Variants in SYT9 observed in about 807,000 individuals in gnomAD.
SYT9 encodes synaptotagmin 9.
A neutral mutation model predicts 48.4 loss-of-function variants in SYT9; 22 were observed. That is an observed-to-expected ratio of 0.45 (90% CI 0.32 to 0.65). The LOEUF (loss-of-function observed/expected upper bound fraction) is 0.65, where lower values mean the gene tolerates loss of function less well. Ranked by LOEUF, SYT9 falls within the 30% of genes least tolerant of loss-of-function variation. The pLI is 0.03. For synonymous variants in SYT9, 265 were observed against 245.0 expected (o/e 1.08, Z -0.76); for missense variants, 577 against 622.0 (o/e 0.93, Z 0.77).
chr11:7,268,411 G>A (rs1448825377), intron 1 of SYT9, among the ~76,000 whole-genome samples: 1 of 151,912 alleles, frequency 6.6e-6, no homozygotes, highest in African/African-American at 2.4e-5. Flanking sequence ...TGTGAGGCTA[G>A]TATCACACTA....
chr11:7,319,723 G>A (rs1331101041), intron 3 of SYT9, among the ~76,000 whole-genome samples: 1 of 152,152 alleles, frequency 6.6e-6, no homozygotes. Flanking sequence ...TGTTTAATAA[G>A]CAGGGGAGAA....
intron 3 of SYT9, among the ~76,000 whole-genome samples, chr11:7,349,085 C>T (rs1020119946): frequency 2.6e-5 from 4 of 151,946 alleles, no homozygotes; most frequent in African/African-American, 7.3e-5. Context: ...AGTCATAAAA[C>T]TCAGAGGTAG....
At chr11:7,361,555 A>G (rs1317717767) in intron 3 of SYT9, among the ~76,000 whole-genome samples, 2 of 152,010 alleles carry the variant, frequency 1.3e-5, no homozygotes, top group African/African-American at 4.8e-5. Flanking sequence ...CCTTTTGTTA[A>G]TTGTGTTGTT....
At chr11:7,385,004 C>A (rs1371657785) in intron 3 of SYT9, among the ~76,000 whole-genome samples, 1 of 152,124 alleles carries the variant, frequency 6.6e-6, no homozygotes, top group Non-Finnish European at 1.5e-5. Context: ...TCTCATAATG[C>A]CTTTCCTGAC....
intron 3 of SYT9, among the ~76,000 whole-genome samples, chr11:7,345,290 T>G (rs879572358): frequency 1.3e-5 from 2 of 152,228 alleles, no homozygotes; most frequent in Non-Finnish European, 2.9e-5. Context: ...TGAAACTTTC[T>G]CCAGGTGGTG....
chr11:7,314,107 A>T (rs1392158371), intron 3 of SYT9, 166 bp downstream of exon 3: 4 of 794,304 alleles, frequency 5.0e-6, no homozygotes, highest in Admixed American at 4.3e-5. Context: ...GGTTTTAACA[A>T]TATTGATTTT....
chr11:7,291,111 C>G (rs1202736616), intron 1 of SYT9, among the ~76,000 whole-genome samples: 1 of 152,234 alleles, frequency 6.6e-6, no homozygotes, highest in African/African-American at 2.4e-5. Context: ...TATAACTTCA[C>G]TCATCTGCCA....
At chr11:7,455,723 A>C (rs1848139486) in intron 6 of SYT9, among the ~76,000 whole-genome samples, 1 of 152,340 alleles carries the variant, frequency 6.6e-6, no homozygotes, top group Admixed American at 6.5e-5. Flanking sequence ...GAGAACGTGA[A>C]GGTCCTGGGA....
intron 1 of SYT9, among the ~76,000 whole-genome samples, chr11:7,273,099 A>T (rs929089066): frequency 3.9e-5 from 6 of 152,184 alleles, no homozygotes; most frequent in African/African-American, 1.2e-4. Flanking sequence ...GGAGAGTGGT[A>T]TAAAGGAAAT....
intron 3 of SYT9, among the ~76,000 whole-genome samples, chr11:7,398,820 C>T (rs72846039): frequency 3.3e-5 from 5 of 152,068 alleles, no homozygotes; most frequent in Admixed American, 2.6e-4. Context: ...TCAAAACATA[C>T]AGCACACAAT....
At chr11:7,384,593 C>T (rs1406093434) in intron 3 of SYT9, among the ~76,000 whole-genome samples, 2 of 152,210 alleles carry the variant, frequency 1.3e-5, no homozygotes, top group Non-Finnish European at 2.9e-5. Context: ...TCACCTCTCA[C>T]CAGGTTCACT....
chr11:7,331,582 G>C (rs1000190283), intron 3 of SYT9, among the ~76,000 whole-genome samples: 2 of 152,068 alleles, frequency 1.3e-5, no homozygotes, highest in African/African-American at 4.8e-5. Context: ...AAATTAGCCA[G>C]ACATGGTGGC....
intron 6 of SYT9, among the ~76,000 whole-genome samples, chr11:7,432,227 G>A (rs1847588983): frequency 6.6e-6 from 1 of 152,196 alleles, no homozygotes; most frequent in African/African-American, 2.4e-5. Context: ...ATGGGACATA[G>A]AGTCAAGGAT....
At chr11:7,461,536 C>T (rs57897868) in intron 6 of SYT9, among the ~76,000 whole-genome samples, 4 of 151,976 alleles carry the variant, frequency 2.6e-5, no homozygotes, top group Non-Finnish European at 1.5e-5. Context: ...CTACACCCAG[C>T]TAATTTTTGT....
At chr11:7,310,728 G>A (rs1347702261) in intron 2 of SYT9, among the ~76,000 whole-genome samples, 1 of 152,160 alleles carries the variant, frequency 6.6e-6, no homozygotes, top group Non-Finnish European at 1.5e-5. Context: ...TTACAGGCAT[G>A]AGCCACTGCA....
intron 3 of SYT9, among the ~76,000 whole-genome samples, chr11:7,400,313 A>T (rs1564890349): frequency 6.6e-6 from 1 of 152,340 alleles, no homozygotes; most frequent in East Asian, 1.9e-4. Flanking sequence ...GAAAAAAGTG[A>T]TCACTTTGAA....
At chr11:7,314,688 G>A (rs1487749588) in intron 3 of SYT9, among the ~76,000 whole-genome samples, 1 of 152,152 alleles carries the variant, frequency 6.6e-6, no homozygotes, top group Non-Finnish European at 1.5e-5. Flanking sequence ...TGGCATTCCA[G>A]AAATAGAAAG....
At chr11:7,369,713 T>C (rs912926143) in intron 3 of SYT9, among the ~76,000 whole-genome samples, 51 of 144,520 alleles carry the variant, frequency 3.5e-4, no homozygotes, top group African/African-American at 1.3e-3. Context: ...GTTCTCCGGA[T>C]AATGGGTTTT....
chr11:7,336,311 G>A (rs1051521999), intron 3 of SYT9, among the ~76,000 whole-genome samples: 11 of 152,216 alleles, frequency 7.2e-5, no homozygotes, highest in African/African-American at 2.2e-4. Context: ...TCTGTTGATA[G>A]TTTCTTTTGT....
Sources: allele counts gnomAD v4.1 joint callset (sites outside exome capture counted in the v4.1 genomes callset), GRCh38; gene constraint gnomAD v4.1.1; transcripts MANE v1.5; gene names NCBI Gene and HGNC (gene_info 2026-07-23, HGNC 2026-07-21).